ST8SIA5: variants seen among roughly 807,000 people sequenced by gnomAD.
ST8SIA5 encodes the protein alpha-2,8-sialyltransferase 8E.
ST8SIA5 carries 24 observed loss-of-function variants against 40.2 expected under a neutral mutation model. The ratio of observed to expected loss-of-function variants is 0.60; its 90% CI spans 0.43 to 0.84. The LOEUF (loss-of-function observed/expected upper bound fraction) is 0.84, where lower values mean the gene tolerates loss of function less well. ST8SIA5 is among the 40% of genes least tolerant of loss of function. ST8SIA5 has a pLI of 0.00. For synonymous variants in ST8SIA5, 198 were observed against 201.8 expected, an observed-to-expected ratio of 0.98 and a Z score of 0.16; for missense variants, 465 against 498.5, an observed-to-expected ratio of 0.93 and a Z score of 0.64.
chr18:46,712,443 G>C (rs1186902752), intron 1 of ST8SIA5, among the ~76,000 whole-genome samples: 1 of 152,174 alleles, frequency 6.6e-6, no homozygotes, highest in Non-Finnish European at 1.5e-5. Flanking sequence ...CCCTGGGGGA[G>C]TCTCTCTGTC....
chr18:46,728,282 C>A, intron 1 of ST8SIA5, among the ~76,000 whole-genome samples: 1 of 151,910 alleles, frequency 6.6e-6, no homozygotes, highest in East Asian at 1.9e-4. Flanking sequence ...GATTGAAGTG[C>A]CAAAGTTACA....
intron 1 of ST8SIA5, among the ~76,000 whole-genome samples, chr18:46,747,639 C>T (rs2040153593): frequency 6.6e-6 from 1 of 152,160 alleles, no homozygotes; most frequent in Non-Finnish European, 1.5e-5. Context: ...TAAATTAGTT[C>T]AATGATTGTG....
chr18:46,717,597 G>A (rs2039805641), intron 1 of ST8SIA5, among the ~76,000 whole-genome samples: 1 of 152,100 alleles, frequency 6.6e-6, no homozygotes, highest in Admixed American at 6.6e-5. Context: ...CCACCCAGAA[G>A]CCCACAAATG....
chr18:46,729,818 C>T (rs3893060), intron 1 of ST8SIA5, among the ~76,000 whole-genome samples: 71,731 of 151,908 alleles, frequency 0.47, 17,500 homozygotes, highest in East Asian at 0.75. Context: ...ACTGACAGTC[C>T]GGTTTTAACT....
At chr18:46,683,749 G>A (rs897600670) in intron 5 of ST8SIA5, among the ~76,000 whole-genome samples, 1 of 151,720 alleles carries the variant, frequency 6.6e-6, no homozygotes, top group Non-Finnish European at 1.5e-5. Context: ...AGTGCGGGAG[G>A]GGGTGGGGTG....
rs549372865 is a variant in ST8SIA5 at position 46,723,396 on chromosome 18, A to G, written c.132-18732T>C. Among the ~76,000 whole-genome samples, 146 of 152,262 alleles carry G rather than the reference A, an allele frequency of 9.6e-4. 3 individuals are homozygous for G. The highest frequency in any genetic ancestry group is 1.2e-4 in the Non-Finnish European group (8 of 68,020). ...GTGAAACCCCATCTCTACAAAAAAT[A>G]CAAAAATTAGCTGGGCATGGTGGCA... On this transcript the variant is annotated intron_variant, in intron 1 of 6. Transcript: ENST00000315087.
chr18:46,723,235 C>T (rs1359731056), intron 1 of ST8SIA5: 2 of 153,734 alleles, frequency 1.3e-5, no homozygotes, highest in Non-Finnish European at 2.9e-5. Context: ...TGGACAGAAT[C>T]ATGGATGTGG....
Position 46,680,234 on chromosome 18 carries a change from AC to A in ST8SIA5, c.938del (p.Cys313LeufsTer14), listed in dbSNP as rs977261553. 3 of 1,614,080 alleles carry A rather than the reference AC, an allele frequency of 1.9e-6. No individual in the cohort carries two copies. In the African/African-American group the frequency reaches 4.0e-5, roughly 22 times the overall value. ...LILVTAALEL[C>X]EEVHLFGFWA... Reference sequence around the variant, plus strand: ...AGAAGCCAAAGAGGTGCACCTCCTCACAGAGCTCCAGCGCCGCAGTGACCAG... The same window carrying A: ...AGAAGCCAAAGAGGTGCACCTCCTCAAGAGCTCCAGCGCCGCAGTGACCAG... On this transcript the variant is annotated frameshift_variant, in exon 7 of 7. Transcript: ENST00000315087. LOFTEE classifies it high-confidence loss of function.
At chr18:46,697,739 C>T (rs917648596) in intron 2 of ST8SIA5, among the ~76,000 whole-genome samples, 1 of 151,622 alleles carries the variant, frequency 6.6e-6, no homozygotes, top group Non-Finnish European at 1.5e-5. Context: ...ACTAGAGGTA[C>T]AATCCAGAAG....
At chr18:46,685,278 G>A (rs2039434892) in intron 5 of ST8SIA5, among the ~76,000 whole-genome samples, 1 of 152,178 alleles carries the variant, frequency 6.6e-6, no homozygotes, top group Non-Finnish European at 1.5e-5. Flanking sequence ...TTCCTGGCAG[G>A]AATGTGGCTG....
At chr18:46,725,515 GAC>G (rs1420194860) in intron 1 of ST8SIA5, among the ~76,000 whole-genome samples, 5 of 150,992 alleles carry the variant, frequency 3.3e-5, no homozygotes, top group Non-Finnish European at 7.4e-5. Flanking sequence ...GACTTAGCAA[GAC>G]ACTCATTATT....
Position 46,704,627 on chromosome 18 carries a change from A to AGTT in ST8SIA5, c.166_168dup (p.Asn56dup). Reference sequence around the variant, plus strand: ...TGCCTCAGCTCCAGGCATCTTGTGGAGTTATATTCAAAAGGCCCCTCATAA... The same window carrying AGTT: ...TGCCTCAGCTCCAGGCATCTTGTGGAGTTGTTATATTCAAAAGGCCCCTCATAA... On this transcript the variant is annotated inframe_insertion, in exon 2 of 7. Coordinates refer to ENST00000315087, the MANE Select transcript of ST8SIA5 (RefSeq NM_013305.6). 6.2e-7 allele frequency: 1 copy of AGTT among 1,613,764 alleles called. No homozygotes were observed. Among genetic ancestry groups the AGTT allele is most frequent in the Non-Finnish European group, 8.5e-7 (1 of 1,179,948 alleles).
intron 1 of ST8SIA5, among the ~76,000 whole-genome samples, chr18:46,735,669 G>A (rs2040027001): frequency 6.6e-6 from 1 of 152,124 alleles, no homozygotes; most frequent in African/African-American, 2.4e-5. Context: ...CTGGAATGTA[G>A]CAGTGCTGTC....
intron 2 of ST8SIA5, 49 bp downstream of exon 2, chr18:46,704,523 G>A: frequency 7.2e-7 from 1 of 1,387,004 alleles, no homozygotes; most frequent in Non-Finnish European, 9.8e-7. Flanking sequence ...CCCAACCCCT[G>A]CCCCACCTCC....
At chr18:46,724,404 C>T (rs1039001266) in intron 1 of ST8SIA5, among the ~76,000 whole-genome samples, 9 of 152,270 alleles carry the variant, frequency 5.9e-5, no homozygotes, top group Non-Finnish European at 5.9e-5. Flanking sequence ...AGGTACAACT[C>T]ACAGGGCAGA....
intron 1 of ST8SIA5, among the ~76,000 whole-genome samples, chr18:46,710,423 TTC>T (rs1309164789): frequency 8.0e-6 from 1 of 124,690 alleles, no homozygotes; most frequent in South Asian, 2.5e-4. Context: ...TTCTTTTTCT[TTC>T]TCTCTCTTTC....
intron 1 of ST8SIA5, among the ~76,000 whole-genome samples, chr18:46,730,607 G>C (rs2039976551): frequency 6.6e-6 from 1 of 152,050 alleles, no homozygotes; most frequent in Non-Finnish European, 1.5e-5. Flanking sequence ...CCAAGGCAGG[G>C]GGATAGCTTG....
intron 1 of ST8SIA5, chr18:46,730,137 T>C: frequency 2.0e-6 from 2 of 984,284 alleles, no homozygotes; most frequent in Non-Finnish European, 2.4e-6. Context: ...CCTTTAAAGG[T>C]GTTAACACCA....
Position 46,680,378 on chromosome 18 carries a change from C to T in ST8SIA5, c.795G>A (p.Leu265=). 2 of 1,614,056 alleles carry T rather than the reference C, an allele frequency of 1.2e-6. No individual in the cohort carries two copies. Among genetic ancestry groups the T allele is most frequent in the Non-Finnish European group, 1.7e-6 (2 of 1,179,950 alleles). ...CAGCTTGCGGCGATTCGAAGTCGTC[C>T]AGCACGTACTTGACGCGGATGGACA... ...TDVSIRVKYV[L]DDFESPQAVY... is the part of the protein sequence containing the mutation. The change falls in exon 7 of 7, where the codon CTG becomes CTA. Residue 265 remains leucine (L), a synonymous_variant. Coordinates refer to ENST00000315087, the MANE Select transcript of ST8SIA5 (RefSeq NM_013305.6).
Sources: gnomAD v4.1 joint callset for allele counts (sites outside exome capture counted in the v4.1 genomes callset) on GRCh38, gnomAD v4.1.1 for gene constraint, MANE v1.5 for transcripts, NCBI Gene and HGNC (gene_info 2026-07-23, HGNC 2026-07-21) for gene names.